The following TTC7A variants were observed in gnomAD, a reference collection of about 807,000 sequenced individuals.
The protein encoded by TTC7A is tetratricopeptide repeat protein 7A.
A neutral mutation model predicts 103.7 loss-of-function variants in TTC7A; 110 were observed. The ratio of observed to expected loss-of-function variants is 1.06; its 90% CI spans 0.91 to 1.24. The LOEUF (loss-of-function observed/expected upper bound fraction) is 1.24, where lower values mean the gene tolerates loss of function less well. Ranked by LOEUF, TTC7A falls within the 50% of genes most tolerant of loss-of-function variation. TTC7A has a pLI of 0.00. For synonymous variants in TTC7A, 521 were observed against 467.9 expected (o/e 1.11, Z -1.47); for missense variants, 1,340 against 1,116.3 (o/e 1.20, Z -2.86).
At chr2:47,069,220 G>A (rs1231741212) in intron 19 of TTC7A, among the ~76,000 whole-genome samples, 1 of 152,154 alleles carries the variant, frequency 6.6e-6, no homozygotes, top group African/African-American at 2.4e-5. Context: ...GGAGACGGCT[G>A]GCAAGGAAGT....
chr2:46,984,258 G>T (rs558725001), intron 5 of TTC7A, among the ~76,000 whole-genome samples: 1 of 152,226 alleles, frequency 6.6e-6, no homozygotes, highest in Non-Finnish European at 1.5e-5. Flanking sequence ...ACTGAGCTGA[G>T]CCCCTGGGGA....
At chr2:46,925,410 T>G (rs1055096452) in intron 2 of TTC7A, among the ~76,000 whole-genome samples, 3 of 152,050 alleles carry the variant, frequency 2.0e-5, no homozygotes, top group Non-Finnish European at 4.4e-5. Flanking sequence ...ATACAAAAAT[T>G]AGCCGGGCAT....
intron 15 of TTC7A, 91 bp from the exon 16 acceptor site, chr2:47,046,224 G>A (rs1284953000): frequency 1.1e-5 from 10 of 937,364 alleles, no homozygotes; most frequent in South Asian, 2.8e-5. Flanking sequence ...TTAGGGAGGT[G>A]AGCATGTGGA....
intron 1 of TTC7A, among the ~76,000 whole-genome samples, chr2:46,949,042 C>A (rs1671175657): frequency 6.6e-6 from 1 of 152,142 alleles, no homozygotes; most frequent in South Asian, 2.1e-4. Context: ...CTCCTCACCC[C>A]AGTTGCTGGG....
intron 2 of TTC7A, among the ~76,000 whole-genome samples, chr2:46,929,553 A>C (rs1231321598): frequency 6.6e-6 from 1 of 152,218 alleles, no homozygotes. Context: ...AGATATCATA[A>C]AGGAAATGTA....
chr2:46,920,921 CTA>C (rs901413284), intron 2 of TTC7A, among the ~76,000 whole-genome samples: 6 of 151,286 alleles, frequency 4.0e-5, no homozygotes, highest in Non-Finnish European at 8.8e-5. Flanking sequence ...ATAAGAAAAA[CTA>C]TATGATAATT....
chr2:46,988,137 C>G (rs1270078691), intron 5 of TTC7A, among the ~76,000 whole-genome samples: 1 of 152,128 alleles, frequency 6.6e-6, no homozygotes, highest in African/African-American at 2.4e-5. Context: ...CCATTCCAGC[C>G]TCTCTGAATG....
intron 2 of TTC7A, among the ~76,000 whole-genome samples, chr2:46,935,183 C>T (rs922214378): frequency 6.6e-6 from 1 of 152,054 alleles, no homozygotes; most frequent in Admixed American, 6.6e-5. Context: ...AAGGCTTGTC[C>T]CTGCTGGAAA....
intron 15 of TTC7A, among the ~76,000 whole-genome samples, chr2:47,036,683 C>T (rs771363505): frequency 1.2e-4 from 18 of 152,112 alleles, no homozygotes; most frequent in Non-Finnish European, 2.6e-4. Context: ...ATAGCAAGAC[C>T]TCGTCTGTAC....
At chr2:47,020,345 G>A (rs1679151878) in intron 11 of TTC7A, among the ~76,000 whole-genome samples, 1 of 152,180 alleles carries the variant, frequency 6.6e-6, no homozygotes, top group East Asian at 1.9e-4. Flanking sequence ...GCTGCCACGT[G>A]GCCTAGGAGA....
At chr2:47,072,783 C>G (rs1684874920) in intron 19 of TTC7A, among the ~76,000 whole-genome samples, 1 of 141,232 alleles carries the variant, frequency 7.1e-6, no homozygotes. Flanking sequence ...CATGAAGCAA[C>G]CTTTGTGGGA....
At chr2:46,977,894 A>T (rs554558515) in intron 4 of TTC7A, among the ~76,000 whole-genome samples, 1 of 152,142 alleles carries the variant, frequency 6.6e-6, no homozygotes, top group African/African-American at 2.4e-5. Context: ...GACCTTAGAC[A>T]TTTTCTGAGC....
chr2:47,052,107 G>A (rs1038765835), intron 18 of TTC7A, among the ~76,000 whole-genome samples: 1 of 152,200 alleles, frequency 6.6e-6, no homozygotes, highest in African/African-American at 2.4e-5. Flanking sequence ...AAACGTGAGA[G>A]GATTGGAGGT....
chr2:47,047,776 G>A (rs1423443787), intron 16 of TTC7A, among the ~76,000 whole-genome samples: 1 of 152,224 alleles, frequency 6.6e-6, no homozygotes, highest in African/African-American at 2.4e-5. Flanking sequence ...CAGCAGAACT[G>A]CAGGGCTGGG....
rs568941523 is a variant in TTC7A at position 47,045,241 on chromosome 2, G to T, written c.1803-1074G>T. On this transcript the variant is annotated intron_variant, in intron 15 of 19. Coordinates refer to ENST00000319190, the MANE Select transcript of TTC7A (RefSeq NM_020458.4). ...AAAATATGACTGGACTTCCATACTG[G>T]TTGCTGTATAGCCACTGCCTGGACC... 9.8e-5 allele frequency among the ~76,000 whole-genome samples: 15 copies of T among 152,318 alleles called. No individual in the cohort carries two copies. In the East Asian group the frequency reaches 2.1e-3, roughly 22 times the overall value.
At chr2:47,001,720 G>A (rs1322116018) in intron 8 of TTC7A, among the ~76,000 whole-genome samples, 3 of 152,086 alleles carry the variant, frequency 2.0e-5, no homozygotes, top group East Asian at 1.9e-4. Context: ...TTAGCCAGGC[G>A]TGGTGGTGGG....
intron 6 of TTC7A, 50 bp from the exon 7 acceptor site, chr2:46,994,307 G>A: frequency 6.3e-7 from 1 of 1,580,526 alleles, no homozygotes; most frequent in South Asian, 1.2e-5. Context: ...GGTCATGCTG[G>A]GGTAGAGCTG....
chr2:46,987,807 C>CGT lies in TTC7A; in HGVS notation c.765-5642_765-5641insTG, dbSNP rs1234466462. ...CCGGTGAAAGCACTGTCCCTTTCCGCGCGTGTGTGTGTGTGTGTGTGTGTG... is the reference window on the plus strand; with the variant it reads ...CCGGTGAAAGCACTGTCCCTTTCCGCGTGCGTGTGTGTGTGTGTGTGTGTGTG... On this transcript the variant is annotated intron_variant, in intron 5 of 19. Coordinates refer to ENST00000319190, the MANE Select transcript of TTC7A (RefSeq NM_020458.4). Among the ~76,000 whole-genome samples the CGT allele has an allele frequency of 2.1e-3, 231 of 110,102 alleles. 1 individual carries two copies. The South Asian group carries it at 0.034, about 16-fold the overall frequency. 72.2% of individuals were successfully genotyped at this position (110,102 alleles called of 152,430 possible).
intron 18 of TTC7A, among the ~76,000 whole-genome samples, chr2:47,052,305 A>G (rs1323517022): frequency 6.6e-6 from 1 of 152,158 alleles, no homozygotes; most frequent in Non-Finnish European, 1.5e-5. Context: ...TTGGTAACTA[A>G]GTGATACCAT....
Sources: allele counts gnomAD v4.1 joint callset (sites outside exome capture counted in the v4.1 genomes callset), GRCh38; gene constraint gnomAD v4.1.1; transcripts MANE v1.5; gene names NCBI Gene and HGNC (gene_info 2026-07-23, HGNC 2026-07-21).